Variants in FOXF1 observed in about 807,000 individuals in gnomAD.
The protein encoded by FOXF1 is forkhead box protein F1.
Under a neutral mutation model 26.6 loss-of-function variants are expected in FOXF1, and 9 were observed. The observed-to-expected ratio is 0.34, with a 90% CI of 0.20 to 0.59. FOXF1 has a LOEUF of 0.59. Ranked by LOEUF, FOXF1 falls within the 20% of genes least tolerant of loss-of-function variation. The pLI is 0.83. For missense variants in FOXF1, 499 were observed against 549.9 expected (o/e 0.91, Z 0.93); for synonymous variants, 330 against 257.7 (o/e 1.28, Z -2.69).
chr16:86,513,095 C>T lies in FOXF1; in HGVS notation c.*10C>T, dbSNP rs779788319. 2.7e-5 allele frequency: 43 copies of T among 1,609,478 alleles called. No individual in the cohort carries two copies. The highest frequency in any genetic ancestry group is 5.3e-5 in the African/African-American group (4 of 74,902). On this transcript the variant is annotated 3_prime_UTR_variant, in exon 2 of 2. Coordinates refer to ENST00000262426, the MANE Select transcript of FOXF1 (RefSeq NM_001451.3). Reference sequence around the variant, plus strand: ...GCCTTGCGTGATGTGAGGCTGCCGCCGCAGGCCCTCCTGGTGCAGGCAGGC... The same window carrying T: ...GCCTTGCGTGATGTGAGGCTGCCGCTGCAGGCCCTCCTGGTGCAGGCAGGC...
Position 86,510,692 on chromosome 16 carries a change from C to G in FOXF1, c.123C>G (p.Ala41=), listed in dbSNP as rs1206743095. The G allele has an allele frequency of 1.2e-6, 2 of 1,612,814 alleles. No individual in the cohort carries two copies. Among genetic ancestry groups the G allele is most frequent in the Non-Finnish European group, 1.7e-6 (2 of 1,179,870 alleles). Residue 41 remains alanine, a synonymous_variant, in exon 1 of 2, where the codon GCC becomes GCG. Coordinates refer to ENST00000262426, the MANE Select transcript of FOXF1 (RefSeq NM_001451.3). ...SGPSKAKKTN[A]GIRRPEKPPY... is the part of the protein sequence containing the mutation. ...CGTCCAAGGCCAAGAAGACCAACGC[C>G]GGCATCCGGCGCCCGGAGAAGCCGC...
In FOXF1 at chr16:86,513,230, G is replaced by T. The variant is rs1440567115; in HGVS notation, c.*145G>T. ...CCCCAACCGGAGTTTTTGGCAAGGAGTCCCCAATGCAAAGACACAGCGCTG... is the reference window on the plus strand; with the variant it reads ...CCCCAACCGGAGTTTTTGGCAAGGATTCCCCAATGCAAAGACACAGCGCTG... On this transcript the variant is annotated 3_prime_UTR_variant, in exon 2 of 2. Transcript: ENST00000262426. 2.6e-6 allele frequency: 2 copies of T among 773,914 alleles called. No individual in the cohort carries two copies. The highest frequency in any genetic ancestry group is 3.5e-5 in the African/African-American group (2 of 57,758). 47.9% of individuals were successfully genotyped at this position (773,914 alleles called of 1,614,324 possible). A position where few individuals can be genotyped will look rare whatever the true frequency, so the allele number is the denominator to read the frequency against.
At chr16:86,512,009 C>G (rs1266304231) in intron 1 of FOXF1, among the ~76,000 whole-genome samples, 1 of 152,178 alleles carries the variant, frequency 6.6e-6, no homozygotes, top group Non-Finnish European at 1.5e-5. Flanking sequence ...GGTGTTAGGC[C>G]CAAAGCCGCT....
In FOXF1 at chr16:86,514,918, C is replaced by CTTT. The variant is rs1382011667; in HGVS notation, c.*1833_*1834insTTT. The CTTT allele has an allele frequency of 1.3e-5, 2 of 151,832 alleles. No individual in the cohort carries two copies. The highest frequency in any genetic ancestry group is 3.9e-4 in the East Asian group (2 of 5,184). 9.4% of individuals were successfully genotyped at this position (151,832 alleles called of 1,614,324 possible). On this transcript the variant is annotated 3_prime_UTR_variant, in exon 2 of 2. Coordinates refer to ENST00000262426, the MANE Select transcript of FOXF1 (RefSeq NM_001451.3). Reference sequence around the variant, plus strand: ...CAATGAGAGTTTTACTTTGGGTTTCCGACTTTCTTGTTCTCTTGCTGTAGC... The same window carrying CTTT: ...CAATGAGAGTTTTACTTTGGGTTTCCTTTGACTTTCTTGTTCTCTTGCTGTAGC...
At chr16:86,512,901 C>G in intron 1 of FOXF1, 24 bp from the exon 2 acceptor site, 2 of 1,613,752 alleles carry the variant, frequency 1.2e-6, no homozygotes, top group Non-Finnish European at 1.7e-6. Context: ...CTCCCCCAAC[C>G]CCTCCTGTCG....
chr16:86,514,162 G>A lies in FOXF1; in HGVS notation c.*1077G>A, dbSNP rs984240150. ...GTAGAATTTTTTTTAGATATCCATT[G>A]TAAATTTGAAACAAAGACCGATCTG... On this transcript the variant is annotated 3_prime_UTR_variant, in exon 2 of 2. Transcript: ENST00000262426. 3 of 151,694 alleles carry A rather than the reference G, an allele frequency of 2.0e-5. No individual in the cohort carries two copies. The highest frequency in any genetic ancestry group is 7.3e-5 in the African/African-American group (3 of 41,290). 9.4% of individuals were successfully genotyped at this position (151,694 alleles called of 1,614,324 possible). A position where few individuals can be genotyped will look rare whatever the true frequency, so the allele number is the denominator to read the frequency against.
rs1380987448 is a variant in FOXF1 at position 86,512,921 on chromosome 16, G to A, written c.980-4G>A. 2 of 1,613,828 alleles carry A rather than the reference G, an allele frequency of 1.2e-6. No individual in the cohort carries two copies. The highest frequency in any genetic ancestry group is 1.7e-5 in the Admixed American group (1 of 60,012). On this transcript the variant is annotated splice_region_variant and splice_polypyrimidine_tract_variant and intron_variant, in intron 1 of 1. Coordinates refer to ENST00000262426, the MANE Select transcript of FOXF1 (RefSeq NM_001451.3). ...CCAACCCCTCCTGTCGCCTCGCCTT[G>A]CAGGCATCCCGCGGTATCACTCGCA...
Position 86,513,052 on chromosome 16 carries a change from C to T in FOXF1, c.1107C>T (p.Val369=), listed in dbSNP as rs773537585. 2.5e-6 allele frequency: 4 copies of T among 1,613,156 alleles called. No homozygotes were observed. The highest frequency in any genetic ancestry group is 2.2e-5 in the East Asian group (1 of 44,876). Residue 369 remains valine, a synonymous_variant, in exon 2 of 2, where the codon GTC becomes GTT. Coordinates refer to ENST00000262426, the MANE Select transcript of FOXF1 (RefSeq NM_001451.3). Reference sequence around the variant, plus strand: ...GGGGCTCCTACTACCACCAGCAGGTCACCTACCAAGACATCAAGCCTTGCG... The same window carrying T: ...GGGGCTCCTACTACCACCAGCAGGTTACCTACCAAGACATCAAGCCTTGCG... ...AGGGSYYHQQ[V]TYQDIKPCVM is the part of the protein sequence containing the mutation.
chr16:86,512,806 TG>T, intron 1 of FOXF1, 118 bp from the exon 2 acceptor site: 1 of 1,228,256 alleles, frequency 8.1e-7, no homozygotes, highest in Non-Finnish European at 1.2e-6. Context: ...GGCCGTGCTC[TG>T]GAGCCAGGCT....
In FOXF1 at chr16:86,511,099, G is replaced by T. The variant is rs1203922987; in HGVS notation, c.530G>T (p.Gly177Val). ...ACCTACGGCTTCCAGGGCTCGGCCGGCGGCCTCTCGTGCCCGCCCAACAGC... is the reference window on the plus strand; with the variant it reads ...ACCTACGGCTTCCAGGGCTCGGCCGTCGGCCTCTCGTGCCCGCCCAACAGC... ...PDTYGFQGSA[G>V]GLSCPPNSLA... The change falls in exon 1 of 2, where the codon GGC (glycine) becomes GTC (valine). Residue 177 changes from glycine (G) to valine (V), a missense_variant. By Grantham distance (109) the Gly-to-Val change is moderately radical. Transcript: ENST00000262426. 1.2e-6 allele frequency: 2 copies of T among 1,607,030 alleles called. No individual in the cohort carries two copies. Among genetic ancestry groups the T allele is most frequent in the South Asian group, 2.2e-5 (2 of 91,082 alleles).
intron 1 of FOXF1, among the ~76,000 whole-genome samples, chr16:86,512,494 C>G (rs974981308): frequency 6.6e-6 from 1 of 152,264 alleles, no homozygotes; most frequent in East Asian, 1.9e-4. Flanking sequence ...GCTGCTGGCC[C>G]GGCGCTGGCC....
Position 86,511,296 on chromosome 16 carries a change from G to C in FOXF1, c.727G>C (p.Val243Leu). ...AGEYPHHDSS[V>L]PASPLLPTGA... is the part of the protein sequence containing the mutation. The stretch of plus-strand genomic sequence containing the variant: ...CGAGTACCCGCACCACGACAGCTCG[G>C]TGCCCGCCTCCCCGCTGCTGCCCAC... The change falls in exon 1 of 2, where the codon GTG (valine) becomes CTG (leucine). Residue 243 changes from valine to leucine, a missense_variant. This residue lies in a region of FOXF1 where 367 missense variants were observed against 324.8 expected (regional missense o/e 1.13). Transcript: ENST00000262426. 6.6e-7 allele frequency: 1 copy of C among 1,522,058 alleles called. No homozygotes were observed. The highest frequency in any genetic ancestry group is 1.2e-5 in the South Asian group (1 of 82,360). 94.3% of individuals were successfully genotyped at this position (1,522,058 alleles called of 1,614,324 possible).
At chr16:86,511,787 C>T (rs1326264898) in intron 1 of FOXF1, among the ~76,000 whole-genome samples, 2 of 152,244 alleles carry the variant, frequency 1.3e-5, no homozygotes, top group East Asian at 3.9e-4. Flanking sequence ...CTGCCAGCTG[C>T]TCCAGGCCTG....
chr16:86,511,169 G>A lies in FOXF1; in HGVS notation c.600G>A (p.Pro200=), dbSNP rs779369936. The change falls in exon 1 of 2, where the codon CCG becomes CCA. Residue 200 remains proline (P), a synonymous_variant. Coordinates refer to ENST00000262426, the MANE Select transcript of FOXF1 (RefSeq NM_001451.3). ...GGLGMMNGHL[P]GNVDGMALPS... ...TGGGCATGATGAACGGCCACTTGCC[G>A]GGCAACGTGGACGGCATGGCCCTGC... The A allele has an allele frequency of 3.8e-6, 6 of 1,587,000 alleles. No individual in the cohort carries two copies. The South Asian group carries it at 4.5e-5, about 12-fold the overall frequency.
rs1969625445 is a variant in FOXF1 at position 86,515,034 on chromosome 16, T to C, written c.*1949T>C. ...GCTTTTTGGTGCCTTGTTCTTGGTT[T>C]TCCCCGATAGAAAATCAAGCAAAAT... On this transcript the variant is annotated 3_prime_UTR_variant, in exon 2 of 2. Transcript: ENST00000262426. The surrounding 1 kb of genome is among the most constrained non-coding windows in gnomAD (Gnocchi z 4.1). 1 of 152,124 alleles carries C rather than the reference T, an allele frequency of 6.6e-6. No homozygotes were observed. The highest frequency in any genetic ancestry group is 1.9e-4 in the East Asian group (1 of 5,194). The allele number at this position is 152,124 out of a possible 1,614,324, so 9.4% of individuals were successfully genotyped here.
intron 1 of FOXF1, 24 bp from the exon 2 acceptor site, chr16:86,512,901 C>A: frequency 6.2e-7 from 1 of 1,613,752 alleles, no homozygotes; most frequent in Middle Eastern, 1.7e-4. Flanking sequence ...CTCCCCCAAC[C>A]CCTCCTGTCG....
rs1454372979 is a variant in FOXF1, at chr16:86,514,873, T to TA, written c.*1788_*1789insA. 2.0e-5 allele frequency: 3 copies of TA among 152,088 alleles called. No individual in the cohort carries two copies. The highest frequency in any genetic ancestry group is 4.4e-5 in the Non-Finnish European group (3 of 68,016). 9.4% of individuals were successfully genotyped at this position (152,088 alleles called of 1,614,324 possible). On this transcript the variant is annotated 3_prime_UTR_variant, in exon 2 of 2. Coordinates refer to ENST00000262426, the MANE Select transcript of FOXF1 (RefSeq NM_001451.3). ...TACGTGTCCATGTACATAATATATA[T>TA]TTTTTTGCCACTACAAGACCAATGA...
At chr16:86,511,582 G>T (rs1051696973) in intron 1 of FOXF1, 34 bp downstream of exon 1, 1 of 1,555,498 alleles carries the variant, frequency 6.4e-7, no homozygotes. Context: ...CCTGGTCCCC[G>T]GGAAGTCGAG....
Position 86,510,629 on chromosome 16 carries a change from G to T in FOXF1, c.60G>T (p.Gly20=), listed in dbSNP as rs905666886. The change falls in exon 1 of 2, where the codon GGG becomes GGT. Residue 20 remains glycine (G), a synonymous_variant. Transcript: ENST00000262426. ...ACGGCGGCGGCGGCGGCGGCGGCGGGGGAGGCGGCGCGGCCATGGACCCCG... is the reference window on the plus strand; with the variant it reads ...ACGGCGGCGGCGGCGGCGGCGGCGGTGGAGGCGGCGCGGCCATGGACCCCG... The part of the protein sequence containing the change: ...PPHGGGGGGG[G]GGGAAMDPAS... The T allele has an allele frequency of 2.9e-6, 4 of 1,402,714 alleles. No homozygotes were observed. The African/African-American group carries it at 6.1e-5, about 21-fold the overall frequency. 86.9% of individuals were successfully genotyped at this position (1,402,714 alleles called of 1,614,324 possible).
Sources: gnomAD v4.1 joint callset for allele counts (sites outside exome capture counted in the v4.1 genomes callset) on GRCh38, gnomAD v4.1.1 for gene constraint, gnomAD v4.1.1 regional missense constraint, Gnocchi (gnomAD v3.1) non-coding constraint, MANE v1.5 for transcripts, NCBI Gene and HGNC (gene_info 2026-07-23, HGNC 2026-07-21) for gene names.